SEC61G: variants seen among roughly 807,000 people sequenced by gnomAD.
SEC61G encodes the protein SEC61 translocon subunit gamma, also known as protein transport protein Sec61 subunit gamma.
SEC61G carries 4 observed loss-of-function variants against 7.5 expected under a neutral mutation model. That is an observed-to-expected ratio of 0.54 (90% confidence interval 0.26 to 1.22). The LOEUF is 1.22. Among genes scored for constraint, SEC61G ranks in the 50% most tolerant of loss-of-function variants. SEC61G has a pLI of 0.12. For synonymous variants in SEC61G, 24 were observed against 24.4 expected, an observed-to-expected ratio of 0.98 and a Z score of 0.05; for missense variants, 53 against 84.6, an observed-to-expected ratio of 0.63 and a Z score of 1.46.
At position 54,755,795 on chromosome 7, in the gene SEC61G, T is replaced by C; in HGVS notation, c.181A>G (p.Ile61Val). 1.3e-6 allele frequency: 2 copies of C among 1,558,846 alleles called. No individual in the cohort carries two copies. The highest frequency in any genetic ancestry group is 1.2e-5 in the South Asian group (1 of 85,310). The change falls in exon 3 of 4, where the codon ATT becomes GTT. Residue 61 changes from isoleucine to valine, a missense_variant. Coordinates refer to ENST00000352861, the MANE Select transcript of SEC61G (RefSeq NM_014302.4). ...TTTACTTACACAATGATGTTATTAA[T>C]AGGAATATGGATCAATTTCACAAAG... is the stretch of plus-strand genomic sequence containing the variant. ...GFFVKLIHIP[I>V]NNIIVGG
At chr7:54,758,572 C>G (rs1343452947) in intron 1 of SEC61G, among the ~76,000 whole-genome samples, 1 of 152,216 alleles carries the variant, frequency 6.6e-6, no homozygotes, top group Non-Finnish European at 1.5e-5. Flanking sequence ...CAGTATTTCA[C>G]TCAACTTTGC....
chr7:54,756,437 C>A (rs1791515663), intron 2 of SEC61G, among the ~76,000 whole-genome samples: 1 of 152,224 alleles, frequency 6.6e-6, no homozygotes, highest in South Asian at 2.1e-4. Context: ...GGGCAGATCA[C>A]CCGAGGTCAG....
chr7:54,754,536 TCTAA>T (rs771323292), intron 3 of SEC61G, among the ~76,000 whole-genome samples: 8 of 152,212 alleles, frequency 5.3e-5, no homozygotes, highest in Non-Finnish European at 8.8e-5. Flanking sequence ...CCCATCTAGT[TCTAA>T]CTATTTATGA....
intron 3 of SEC61G, among the ~76,000 whole-genome samples, chr7:54,753,427 T>C (rs1220015951): frequency 6.6e-6 from 1 of 152,136 alleles, no homozygotes; most frequent in African/African-American, 2.4e-5. Flanking sequence ...ATTCTAATAC[T>C]GTGAATATTA....
chr7:54,754,627 A>T (rs1363498587), intron 3 of SEC61G, among the ~76,000 whole-genome samples: 2 of 152,072 alleles, frequency 1.3e-5, no homozygotes, highest in African/African-American at 4.8e-5. Flanking sequence ...GACAATATAC[A>T]TTGTTACTTG....
At chr7:54,757,647 C>T in intron 1 of SEC61G, 53 bp from the exon 2 acceptor site, 1 of 1,420,240 alleles carries the variant, frequency 7.0e-7, no homozygotes, top group South Asian at 1.2e-5. Flanking sequence ...ACAATAAGCA[C>T]TTGCTCATTT....
intron 1 of SEC61G, 148 bp from the exon 2 acceptor site, chr7:54,757,742 C>A: frequency 1.7e-6 from 1 of 577,004 alleles, no homozygotes; most frequent in Non-Finnish European, 3.0e-6. Context: ...AAAAAACAAA[C>A]TCCAAAGCCT....
intron 1 of SEC61G, among the ~76,000 whole-genome samples, 186 bp from the exon 2 acceptor site, chr7:54,757,780 G>C (rs1791549541): frequency 1.3e-5 from 2 of 152,260 alleles, no homozygotes; most frequent in South Asian, 4.1e-4. Flanking sequence ...GGAAATTTCA[G>C]TTAATTATCA....
chr7:54,757,168 G>A (rs1015150191), intron 2 of SEC61G, among the ~76,000 whole-genome samples: 3 of 151,858 alleles, frequency 2.0e-5, no homozygotes, highest in South Asian at 2.1e-4. Context: ...GGTTTTGTTC[G>A]TTGGGGTGGG....
intron 3 of SEC61G, chr7:54,755,097 T>C (rs1053491054): frequency 4.0e-5 from 6 of 148,320 alleles, no homozygotes. Flanking sequence ...TTGTAATGAA[T>C]TTAAAAAGCA....
At position 54,757,491 on chromosome 7, in the gene SEC61G, T is replaced by C. The variant is rs764200167; in HGVS notation, c.94+4A>G. On this transcript the variant is annotated splice_donor_region_variant and intron_variant, in intron 2 of 3. Transcript: ENST00000352861. ...AATTTTTTCTCTCATAGTCAAGCAA[T>C]TACCTTTTCTATCAGGTTTAGTGCA... 1.9e-6 allele frequency: 3 copies of C among 1,611,370 alleles called. No homozygotes were observed. The highest frequency in any genetic ancestry group is 2.5e-6 in the Non-Finnish European group (3 of 1,177,738).
intron 3 of SEC61G, among the ~76,000 whole-genome samples, chr7:54,753,143 A>T (rs1302605936): frequency 6.6e-6 from 1 of 152,038 alleles, no homozygotes; most frequent in African/African-American, 2.4e-5. Context: ...TACAAAAAAA[A>T]TTAGCCAGGC....
At chr7:54,755,930 AGTATGGG>A in intron 2 of SEC61G, 49 bp from the exon 3 acceptor site, 5 of 1,103,266 alleles carry the variant, frequency 4.5e-6, no homozygotes, top group Admixed American at 4.2e-5. Context: ...TGTCACTGAA[AGTATGGG>A]AAAAAAACTA....
intron 2 of SEC61G, 28 bp downstream of exon 2, chr7:54,757,467 A>AT: frequency 1.9e-6 from 3 of 1,571,244 alleles, no homozygotes; most frequent in Non-Finnish European, 2.6e-6. Context: ...CAAAGATTTA[A>AT]TTTTTTCTCT....
At chr7:54,756,967 A>ATATATAC (rs67352168) in intron 2 of SEC61G, among the ~76,000 whole-genome samples, 20 of 147,148 alleles carry the variant, frequency 1.4e-4, no homozygotes, top group East Asian at 1.2e-3. Context: ...ACTATATACT[A>ATATATAC]TATATACTAT....
In SEC61G at chr7:54,757,480, T is replaced by A. The variant is rs375929376; in HGVS notation, c.94+15A>T. ...TGCAAAGATTTAATTTTTTCTCTCA[T>A]AGTCAAGCAATTACCTTTTCTATCA... On this transcript the variant is annotated intron_variant, in intron 2 of 3. Transcript: ENST00000352861. 6.2e-7 allele frequency: 1 copy of A among 1,602,776 alleles called. No individual in the cohort carries two copies. Among genetic ancestry groups the A allele is most frequent in the South Asian group, 1.1e-5 (1 of 90,690 alleles).
At chr7:54,756,945 T>C (rs1791527654) in intron 2 of SEC61G, among the ~76,000 whole-genome samples, 1 of 147,594 alleles carries the variant, frequency 6.8e-6, no homozygotes, top group African/African-American at 2.5e-5. Flanking sequence ...CTATATACTA[T>C]ACTATATATA....
At position 54,757,574 on chromosome 7, in the gene SEC61G, C is replaced by T; in HGVS notation, c.15G>A (p.Met5Ile). MDQV[M>I]QFVEPSRQFV... Reference sequence around the variant, plus strand: ...ACTGCCGACTTGGCTCAACAAACTGCATTACCTGATCCATGACTGCCTGTT... The same window carrying T: ...ACTGCCGACTTGGCTCAACAAACTGTATTACCTGATCCATGACTGCCTGTT... Residue 5 changes from methionine (M) to isoleucine (I), a missense_variant, in exon 2 of 4, where the codon ATG becomes ATA. Physicochemically the swap from Met to Ile is conservative, Grantham distance 10. Transcript: ENST00000352861. 6.2e-7 allele frequency: 1 copy of T among 1,614,038 alleles called. No individual in the cohort carries two copies. Among genetic ancestry groups the T allele is most frequent in the Non-Finnish European group, 8.5e-7 (1 of 1,179,948 alleles).
intron 3 of SEC61G, among the ~76,000 whole-genome samples, chr7:54,753,253 A>G (rs985742413): frequency 2.0e-5 from 3 of 152,194 alleles, no homozygotes; most frequent in African/African-American, 7.2e-5. Flanking sequence ...AGATTGCACC[A>G]CTGCACTCCA....
Sources: gnomAD v4.1 joint callset for allele counts (sites outside exome capture counted in the v4.1 genomes callset) on GRCh38, gnomAD v4.1.1 for gene constraint, MANE v1.5 for transcripts, NCBI Gene and HGNC (gene_info 2026-07-23, HGNC 2026-07-21) for gene names.